PXDNL: variants seen among roughly 807,000 people sequenced by gnomAD.
The protein encoded by PXDNL is probable oxidoreductase PXDNL.
PXDNL carries 145 observed loss-of-function variants against 150.8 expected under a neutral mutation model. That is an observed-to-expected ratio of 0.96 (90% CI 0.84 to 1.10). The LOEUF is 1.10. Among genes scored for constraint, PXDNL ranks in the 50% least tolerant of loss-of-function variants. The pLI, the probability that PXDNL is intolerant of heterozygous loss-of-function variation, is 0.00. For synonymous variants in PXDNL, 757 were observed against 725.7 expected (o/e 1.04, Z -0.69); for missense variants, 2,087 against 1,873.9 (o/e 1.11, Z -2.10).
intron 19 of PXDNL, among the ~76,000 whole-genome samples, chr8:51,369,113 C>A (rs1807014392): frequency 6.6e-6 from 1 of 152,116 alleles, no homozygotes; most frequent in African/African-American, 2.4e-5. Flanking sequence ...CATGAATGAA[C>A]ACACAACAAA....
intron 4 of PXDNL, among the ~76,000 whole-genome samples, chr8:51,504,182 G>A (rs968821381): frequency 3.9e-5 from 6 of 151,938 alleles, no homozygotes; most frequent in African/African-American, 7.3e-5. Context: ...CTATACCCTC[G>A]GTTACTAAAA....
intron 1 of PXDNL, among the ~76,000 whole-genome samples, chr8:51,720,739 C>T (rs982013385): frequency 1.3e-5 from 2 of 152,192 alleles, no homozygotes; most frequent in Non-Finnish European, 2.9e-5. Flanking sequence ...ACACCAACAC[C>T]ATCACCTTTA....
intron 6 of PXDNL, among the ~76,000 whole-genome samples, chr8:51,477,172 G>A (rs1810498032): frequency 6.6e-6 from 1 of 152,106 alleles, no homozygotes; most frequent in Non-Finnish European, 1.5e-5. Context: ...TTTGTAAAAT[G>A]TTTTGTAGAT....
intron 17 of PXDNL, among the ~76,000 whole-genome samples, chr8:51,382,882 T>A (rs775474062): frequency 1.1e-4 from 16 of 152,220 alleles, no homozygotes; most frequent in Non-Finnish European, 2.1e-4. Flanking sequence ...CCAGAGAGTA[T>A]AATCCTGGCT....
In PXDNL at chr8:51,408,953, T is replaced by C. The variant is rs756843378; in HGVS notation, c.2671A>G (p.Thr891Ala). 3 of 1,612,676 alleles carry C rather than the reference T, an allele frequency of 1.9e-6. No individual in the cohort carries two copies. The highest frequency in any genetic ancestry group is 2.5e-6 in the Non-Finnish European group (3 of 1,179,818). ...VYAREQINQQ[T>A]AYIDGSNVYG... is the part of the protein sequence containing the mutation. ...ACGTTGGAGCCATCGATGTAGGCTG[T>C]TTGCTGGTTGATCTGCTCTCGTGCA... Residue 891 changes from threonine (T) to alanine (A), a missense_variant, in exon 17 of 23, where the codon ACA becomes GCA. Physicochemically the swap from Thr to Ala is moderately conservative, Grantham distance 58. Coordinates refer to ENST00000356297, the MANE Select transcript of PXDNL (RefSeq NM_144651.5).
chr8:51,791,208 G>A (rs2037510282), intron 1 of PXDNL, among the ~76,000 whole-genome samples: 1 of 152,216 alleles, frequency 6.6e-6, no homozygotes. Flanking sequence ...AACTAGATCT[G>A]TGAGCCAGAA....
At chr8:51,738,801 TAAC>T (rs1229977199) in intron 1 of PXDNL, among the ~76,000 whole-genome samples, 5 of 152,156 alleles carry the variant, frequency 3.3e-5, no homozygotes, top group Admixed American at 2.0e-4. Context: ...TGGAGAATTC[TAAC>T]AACACTTTTT....
rs774080646 is a variant in PXDNL at position 51,374,568 on chromosome 8, T to G, written c.3692+29A>C. 6.2e-6 allele frequency: 10 copies of G among 1,608,216 alleles called. No individual in the cohort carries two copies. In the East Asian group the frequency reaches 2.2e-4, roughly 36 times the overall value. On this transcript the variant is annotated intron_variant, in intron 18 of 22. Transcript: ENST00000356297. ...TGGGTCAAAAACAACTTTTGTGATATTTAATAAGTATAACAGATAATCATT... is the reference window on the plus strand; with the variant it reads ...TGGGTCAAAAACAACTTTTGTGATAGTTAATAAGTATAACAGATAATCATT...
At chr8:51,724,085 G>A (rs975261464) in intron 1 of PXDNL, among the ~76,000 whole-genome samples, 2 of 151,714 alleles carry the variant, frequency 1.3e-5, no homozygotes, top group Non-Finnish European at 2.9e-5. Flanking sequence ...AGGGGTGGGG[G>A]TGGGGTGCTA....
At chr8:51,325,159 C>T (rs962828905) in intron 21 of PXDNL, among the ~76,000 whole-genome samples, 3 of 152,216 alleles carry the variant, frequency 2.0e-5, no homozygotes, top group Non-Finnish European at 2.9e-5. Context: ...CCACTGCACC[C>T]AGCTTATGAC....
At chr8:51,639,813 A>C (rs147824598) in intron 2 of PXDNL, among the ~76,000 whole-genome samples, 59,316 of 151,710 alleles carry the variant, frequency 0.39, 14,323 homozygotes, top group African/African-American at 0.69. Flanking sequence ...AAACTATTCC[A>C]ATCAATAGAA....
chr8:51,557,508 G>A (rs998678145), intron 3 of PXDNL, among the ~76,000 whole-genome samples: 1 of 152,078 alleles, frequency 6.6e-6, no homozygotes, highest in South Asian at 2.1e-4. Flanking sequence ...TTCAACCATA[G>A]GTTAGTAAGG....
chr8:51,593,532 T>C (rs1298868684), intron 2 of PXDNL, among the ~76,000 whole-genome samples: 1 of 152,192 alleles, frequency 6.6e-6, no homozygotes, highest in Non-Finnish European at 1.5e-5. Flanking sequence ...GGATTCACTT[T>C]TAGCATATTA....
intron 4 of PXDNL, among the ~76,000 whole-genome samples, chr8:51,551,733 C>G (rs1311120484): frequency 6.6e-6 from 1 of 152,252 alleles, no homozygotes; most frequent in African/African-American, 2.4e-5. Flanking sequence ...TAGAAGATAA[C>G]ATTGTAAAAA....
chr8:51,749,487 C>T (rs1428642716), intron 1 of PXDNL, among the ~76,000 whole-genome samples: 1 of 151,208 alleles, frequency 6.6e-6, no homozygotes, highest in East Asian at 1.9e-4. Context: ...CTAAACATAT[C>T]TAAACATAGA....
chr8:51,378,425 T>C (rs1385434454), intron 17 of PXDNL, among the ~76,000 whole-genome samples: 1 of 152,200 alleles, frequency 6.6e-6, no homozygotes, highest in Non-Finnish European at 1.5e-5. Context: ...AGCTCAGGGA[T>C]TGTAAACTCA....
At chr8:51,468,103 G>A (rs943829144) in intron 8 of PXDNL, among the ~76,000 whole-genome samples, 2 of 151,994 alleles carry the variant, frequency 1.3e-5, no homozygotes, top group African/African-American at 4.8e-5. Flanking sequence ...ATCTTGATAA[G>A]TGTTCCATAA....
chr8:51,445,050 G>A (rs1378461474), intron 12 of PXDNL, among the ~76,000 whole-genome samples: 1 of 151,842 alleles, frequency 6.6e-6, no homozygotes, highest in Non-Finnish European at 1.5e-5. Flanking sequence ...CTCCCGAGTA[G>A]CTGGGACTAC....
At chr8:51,527,751 T>C (rs1048666671) in intron 4 of PXDNL, among the ~76,000 whole-genome samples, 1 of 152,190 alleles carries the variant, frequency 6.6e-6, no homozygotes, top group Non-Finnish European at 1.5e-5. Context: ...AGGCTAGAGT[T>C]GCCATCATGA....
Sources: allele counts gnomAD v4.1 joint callset (sites outside exome capture counted in the v4.1 genomes callset), GRCh38; gene constraint gnomAD v4.1.1; transcripts MANE v1.5; gene names NCBI Gene and HGNC (gene_info 2026-07-23, HGNC 2026-07-21).